GALNT10: variants seen among roughly 807,000 people sequenced by gnomAD.
The protein encoded by GALNT10 is polypeptide N-acetylgalactosaminyltransferase 10.
Under a neutral mutation model 75.0 loss-of-function variants are expected in GALNT10, and 41 were observed. The observed-to-expected ratio is 0.55, with a 90% CI of 0.43 to 0.71. The LOEUF is 0.71. GALNT10 is among the 30% of genes least tolerant of loss of function. The probability of loss-of-function intolerance (pLI) is 0.00; values close to 1 mark genes in which losing one functional copy is unlikely to be tolerated. For missense variants in GALNT10, 727 were observed against 818.5 expected (o/e 0.89, Z 1.36); for synonymous variants, 302 against 313.0 (o/e 0.96, Z 0.37).
intron 8 of GALNT10, among the ~76,000 whole-genome samples, chr5:154,405,056 C>T (rs1756244833): frequency 6.6e-6 from 1 of 152,158 alleles, no homozygotes; most frequent in Admixed American, 6.5e-5. Context: ...TAGAAAGAGC[C>T]TTGCGGGGAA....
chr5:154,260,608 G>C (rs1352199782), intron 1 of GALNT10, among the ~76,000 whole-genome samples: 1 of 152,130 alleles, frequency 6.6e-6, no homozygotes, highest in African/African-American at 2.4e-5. Context: ...AAACAAATCA[G>C]AAAATATTCA....
In GALNT10 at chr5:154,417,845, T is replaced by G. The variant is rs1299752842; in HGVS notation, c.*873T>G. The G allele has an allele frequency of 6.6e-6, 1 of 152,198 alleles. No homozygotes were observed. Among genetic ancestry groups the G allele is most frequent in the Non-Finnish European group, 1.5e-5 (1 of 68,076 alleles). 9.4% of individuals were successfully genotyped at this position (152,198 alleles called of 1,614,324 possible). A position where few individuals can be genotyped will look rare whatever the true frequency, so the allele number is the denominator to read the frequency against. ...TGATTTGCCCTGATCCATGCTTCCA[T>G]TTCCCTGTCTCTCTTCCCCAGGCAA... On this transcript the variant is annotated 3_prime_UTR_variant, in exon 12 of 12. Coordinates refer to ENST00000297107, the MANE Select transcript of GALNT10 (RefSeq NM_198321.4).
rs551890529 is a variant in GALNT10 at position 154,242,327 on chromosome 5, G to A, written c.159+51302G>A. On this transcript the variant is annotated intron_variant, in intron 1 of 11. Transcript: ENST00000297107. ...GCCCCACTTTGAACCTCCTGAGGCC[G>A]CACTTTTCTGGTGGTAGCCCAGAAA... is the stretch of plus-strand genomic sequence containing the variant. 3.0e-4 allele frequency among the ~76,000 whole-genome samples: 46 copies of A among 152,028 alleles called. 1 individual carries two copies. Among genetic ancestry groups the A allele is most frequent in the South Asian group, 1.7e-3 (8 of 4,814 alleles).
intron 1 of GALNT10, among the ~76,000 whole-genome samples, chr5:154,273,640 T>C (rs1347405011): frequency 2.6e-5 from 4 of 152,196 alleles, no homozygotes; most frequent in Non-Finnish European, 5.9e-5. Flanking sequence ...AGTGGTTATC[T>C]CTAGGGGGTG....
At chr5:154,330,380 G>A (rs557804846) in intron 4 of GALNT10, among the ~76,000 whole-genome samples, 2 of 152,342 alleles carry the variant, frequency 1.3e-5, no homozygotes, top group South Asian at 4.1e-4. Context: ...GGGAGAAGTG[G>A]ATTAGAGATG....
At chr5:154,335,750 CAG>C (rs770917214) in intron 4 of GALNT10, among the ~76,000 whole-genome samples, 18 of 152,162 alleles carry the variant, frequency 1.2e-4, no homozygotes, top group Non-Finnish European at 2.4e-4. Flanking sequence ...TCTGAAAGTA[CAG>C]AGAGTTCCCC....
chr5:154,285,947 A>G (rs908403426), intron 1 of GALNT10, among the ~76,000 whole-genome samples: 1 of 152,088 alleles, frequency 6.6e-6, no homozygotes, highest in Non-Finnish European at 1.5e-5. Flanking sequence ...GAATCTTTGC[A>G]TATCTTTACT....
At chr5:154,293,613 A>ATATATATATATTTTTTTTTTTTTTTTT in intron 1 of GALNT10, among the ~76,000 whole-genome samples, 1 of 109,356 alleles carries the variant, frequency 9.1e-6, no homozygotes, top group African/African-American at 4.2e-5. Flanking sequence ...ATATATATAT[A>ATATATATATATTTTTTTTTTTTTTTTT]TTTTTTTTTT....
chr5:154,369,859 C>T (rs1409686521), intron 4 of GALNT10, among the ~76,000 whole-genome samples: 6 of 152,214 alleles, frequency 3.9e-5, no homozygotes, highest in African/African-American at 1.2e-4. Context: ...TTCCCTTCTG[C>T]TGCTCCTCCT....
chr5:154,270,020 G>C (rs1380806454), intron 1 of GALNT10, among the ~76,000 whole-genome samples: 3 of 152,030 alleles, frequency 2.0e-5, no homozygotes, highest in African/African-American at 7.2e-5. Context: ...CTTATCAAAG[G>C]CCAGACTAAC....
chr5:154,254,715 T>C (rs1311744392), intron 1 of GALNT10, among the ~76,000 whole-genome samples: 2 of 152,174 alleles, frequency 1.3e-5, no homozygotes, highest in Non-Finnish European at 2.9e-5. Flanking sequence ...TGAGAAGATG[T>C]CTAAGGCCAC....
At chr5:154,301,384 T>C (rs750924138) in intron 3 of GALNT10, among the ~76,000 whole-genome samples, 67 of 152,110 alleles carry the variant, frequency 4.4e-4, no homozygotes, top group Non-Finnish European at 8.5e-4. Flanking sequence ...TCTAGATATT[T>C]ACTTTTTAAT....
chr5:154,255,786 G>T (rs1245195236), intron 1 of GALNT10, among the ~76,000 whole-genome samples: 5 of 152,028 alleles, frequency 3.3e-5, no homozygotes, highest in African/African-American at 1.2e-4. Context: ...TAAGGGGTAG[G>T]CCTTGTCAGT....
intron 1 of GALNT10, among the ~76,000 whole-genome samples, chr5:154,217,493 C>A (rs964488726): frequency 1.3e-5 from 2 of 152,200 alleles, no homozygotes; most frequent in Non-Finnish European, 2.9e-5. Context: ...CTCTGTGGGG[C>A]TGTTATCTGA....
intron 4 of GALNT10, among the ~76,000 whole-genome samples, chr5:154,354,115 G>A (rs113922690): frequency 3.7e-4 from 56 of 152,294 alleles, no homozygotes; most frequent in African/African-American, 1.3e-3. Flanking sequence ...CGTGCTATAA[G>A]GGTGTCACAA....
At chr5:154,385,244 G>A (rs989981693) in intron 6 of GALNT10, among the ~76,000 whole-genome samples, 1 of 152,158 alleles carries the variant, frequency 6.6e-6, no homozygotes, top group African/African-American at 2.4e-5. Context: ...ACGCTGGTTG[G>A]CCCCTACCAG....
intron 1 of GALNT10, among the ~76,000 whole-genome samples, chr5:154,265,127 C>A (rs933972538): frequency 6.6e-6 from 1 of 152,166 alleles, no homozygotes; most frequent in African/African-American, 2.4e-5. Flanking sequence ...ACATGTTCTC[C>A]CCTTCTTGCA....
intron 1 of GALNT10, chr5:154,218,256 C>A: frequency 3.1e-6 from 1 of 324,046 alleles, no homozygotes; most frequent in Non-Finnish European, 4.4e-6. Flanking sequence ...TGAAACACTT[C>A]CACACTGGGC....
chr5:154,229,386 A>G (rs1753111923), intron 1 of GALNT10, among the ~76,000 whole-genome samples: 1 of 152,196 alleles, frequency 6.6e-6, no homozygotes, highest in African/African-American at 2.4e-5. Flanking sequence ...GTATAATTAA[A>G]ACAATATGAT....
Sources: allele counts gnomAD v4.1 joint callset (sites outside exome capture counted in the v4.1 genomes callset), GRCh38; gene constraint gnomAD v4.1.1; transcripts MANE v1.5; gene names NCBI Gene and HGNC (gene_info 2026-07-23, HGNC 2026-07-21).